Variants in KAZN observed in about 807,000 individuals in gnomAD.
KAZN encodes kazrin.
KAZN carries 40 observed loss-of-function variants against 87.4 expected under a neutral mutation model. The ratio of observed to expected loss-of-function variants is 0.46; its 90% CI spans 0.36 to 0.60. The LOEUF is 0.60. KAZN is among the 20% of genes least tolerant of loss of function. The pLI is 0.00. For missense variants in KAZN, 898 were observed against 1,073.9 expected (o/e 0.84, Z 2.29); for synonymous variants, 466 against 458.3 (o/e 1.02, Z -0.22).
At chr1:14,774,026 T>C (rs1645100050) in intron 1 of KAZN, among the ~76,000 whole-genome samples, 1 of 152,248 alleles carries the variant, frequency 6.6e-6, no homozygotes, top group African/African-American at 2.4e-5. Context: ...CATTTTCAAC[T>C]CTGCATTAAG....
chr1:14,833,278 T>G (rs1647104766), intron 1 of KAZN, among the ~76,000 whole-genome samples: 2 of 152,026 alleles, frequency 1.3e-5, no homozygotes, highest in Admixed American at 6.6e-5. Flanking sequence ...GAACAATGAG[T>G]GTCCATGCCC....
At chr1:14,116,418 G>A (rs1177265055) in intron 1 of KAZN, among the ~76,000 whole-genome samples, 1 of 152,194 alleles carries the variant, frequency 6.6e-6, no homozygotes, top group Non-Finnish European at 1.5e-5. Flanking sequence ...GGCTTCAGAG[G>A]GTGCAAGCCT....
chr1:14,060,383 A>G (rs944289169), intron 1 of KAZN, among the ~76,000 whole-genome samples: 8 of 139,360 alleles, frequency 5.7e-5, no homozygotes, highest in African/African-American at 1.6e-4. Flanking sequence ...AAAAAAAAAA[A>G]GAATGAGGGT....
At chr1:14,402,752 AC>A (rs1445360991) in intron 2 of KAZN, among the ~76,000 whole-genome samples, 1 of 152,190 alleles carries the variant, frequency 6.6e-6, no homozygotes, top group African/African-American at 2.4e-5. Flanking sequence ...TATAATGAAA[AC>A]TATGACACTG....
intron 1 of KAZN, among the ~76,000 whole-genome samples, chr1:14,910,304 G>A (rs1462356080): frequency 6.6e-6 from 1 of 152,226 alleles, no homozygotes; most frequent in Admixed American, 6.5e-5. Flanking sequence ...AGGACTTGAT[G>A]TGCAGGGCTG....
At chr1:14,220,432 A>G (rs936519027) in intron 2 of KAZN, among the ~76,000 whole-genome samples, 9 of 152,122 alleles carry the variant, frequency 5.9e-5, no homozygotes, top group African/African-American at 2.2e-4. Flanking sequence ...TTGTTGTCTT[A>G]AACTTGGACA....
At chr1:14,082,750 A>T (rs1414407818) in intron 1 of KAZN, among the ~76,000 whole-genome samples, 6 of 152,120 alleles carry the variant, frequency 3.9e-5, no homozygotes, top group Non-Finnish European at 8.8e-5. Context: ...CTGGATCAGG[A>T]GCCTTTCTTT....
chr1:14,889,023 G>A (rs192226203), intron 1 of KAZN, among the ~76,000 whole-genome samples: 114 of 152,242 alleles, frequency 7.5e-4, no homozygotes, highest in African/African-American at 2.5e-3. Flanking sequence ...TTTAAAAATC[G>A]CAAAAACATC....
intron 1 of KAZN, among the ~76,000 whole-genome samples, chr1:14,138,467 A>G (rs1012859173): frequency 4.6e-5 from 7 of 152,274 alleles, no homozygotes; most frequent in Middle Eastern, 3.4e-3. Context: ...CTCATTGGTC[A>G]CATGTATCTC....
At chr1:14,605,392 A>G (rs1458311696) in intron 1 of KAZN, among the ~76,000 whole-genome samples, 1 of 152,160 alleles carries the variant, frequency 6.6e-6, no homozygotes, top group East Asian at 1.9e-4. Flanking sequence ...ATCTGTCTAT[A>G]ACTTTTGACT....
chr1:14,056,930 GCTA>G (rs1642585657), intron 1 of KAZN, among the ~76,000 whole-genome samples: 1 of 151,738 alleles, frequency 6.6e-6, no homozygotes, highest in Admixed American at 6.6e-5. Flanking sequence ...TGTAGTCCCA[GCTA>G]CTCGGGAGAC....
At chr1:14,459,158 G>A (rs1241352667) in intron 2 of KAZN, among the ~76,000 whole-genome samples, 1 of 152,086 alleles carries the variant, frequency 6.6e-6, no homozygotes, top group East Asian at 1.9e-4. Flanking sequence ...GTGCTCACTA[G>A]GAGGGTATCT....
intron 2 of KAZN, among the ~76,000 whole-genome samples, chr1:14,294,997 C>T (rs1249782270): frequency 2.0e-5 from 3 of 151,796 alleles, no homozygotes; most frequent in Non-Finnish European, 2.9e-5. Context: ...GAGTCAGACC[C>T]GTGCTTATCT....
At chr1:14,044,911 C>A (rs545145719) in intron 1 of KAZN, among the ~76,000 whole-genome samples, 1 of 151,994 alleles carries the variant, frequency 6.6e-6, no homozygotes, top group Non-Finnish European at 1.5e-5. Flanking sequence ...CAGCTTCTGC[C>A]GGGGTAGATC....
At chr1:14,800,525 A>AC (rs1645976895) in intron 1 of KAZN, among the ~76,000 whole-genome samples, 1 of 152,110 alleles carries the variant, frequency 6.6e-6, no homozygotes. Context: ...ACATAGTGAG[A>AC]CCCCATCTCT....
intron 1 of KAZN, among the ~76,000 whole-genome samples, chr1:14,679,788 G>A (rs74058787): frequency 6.6e-6 from 1 of 152,134 alleles, no homozygotes; most frequent in Non-Finnish European, 1.5e-5. Context: ...AGTCGGATAG[G>A]CATCAGGTTT....
intron 4 of KAZN, among the ~76,000 whole-genome samples, chr1:15,048,730 A>ATGGGTCGTCGATCCTGGGTCGTCGATCC (rs1296160724): frequency 3.0e-5 from 3 of 98,788 alleles, no homozygotes; most frequent in Non-Finnish European, 4.5e-5. Flanking sequence ...GTCGTTGGTC[A>ATGGGTCGTCGATCCTGGGTCGTCGATCC]TGGGTCGTCG....
chr1:14,295,724 C>T (rs1322284377), intron 2 of KAZN, among the ~76,000 whole-genome samples: 1 of 152,176 alleles, frequency 6.6e-6, no homozygotes, highest in Non-Finnish European at 1.5e-5. Flanking sequence ...AATTCCCAAA[C>T]ATTTTTGAGA....
intron 1 of KAZN, among the ~76,000 whole-genome samples, chr1:14,942,009 C>T (rs1224059125): frequency 6.6e-6 from 1 of 152,158 alleles, no homozygotes; most frequent in Non-Finnish European, 1.5e-5. Flanking sequence ...AGAGACGTGG[C>T]AATGAGCCCA....
Sources: gnomAD v4.1 joint callset for allele counts (sites outside exome capture counted in the v4.1 genomes callset) on GRCh38, gnomAD v4.1.1 for gene constraint, MANE v1.5 for transcripts, NCBI Gene and HGNC (gene_info 2026-07-23, HGNC 2026-07-21) for gene names.